LCLAT1: variants seen among roughly 807,000 people sequenced by gnomAD.
LCLAT1 encodes the protein 1-AGP acyltransferase 8.
In LCLAT1, 11 loss-of-function variants were observed where a neutral mutation model predicts 30.7. The ratio of observed to expected loss-of-function variants is 0.36; its 90% CI spans 0.23 to 0.59. The LOEUF is 0.59. LCLAT1 is among the 20% of genes least tolerant of loss of function. The pLI is 0.77. For synonymous variants in LCLAT1, 155 were observed against 151.3 expected, an observed-to-expected ratio of 1.02 and a Z score of -0.18; for missense variants, 402 against 458.6, an observed-to-expected ratio of 0.88 and a Z score of 1.13.
chr2:30,474,971 A>G (rs1170015199), intron 1 of LCLAT1, among the ~76,000 whole-genome samples: 1 of 151,704 alleles, frequency 6.6e-6, no homozygotes, highest in African/African-American at 2.4e-5. Flanking sequence ...TTAGTTATAC[A>G]CAGATCCAGG....
At chr2:30,562,035 A>T in intron 3 of LCLAT1, 111 bp from the exon 4 acceptor site, 1 of 644,676 alleles carries the variant, frequency 1.6e-6, no homozygotes, top group Non-Finnish European at 2.4e-6. Context: ...TGAAATGTTT[A>T]CAATAATAAA....
At chr2:30,584,365 G>C (rs945250620) in intron 5 of LCLAT1, among the ~76,000 whole-genome samples, 3 of 152,202 alleles carry the variant, frequency 2.0e-5, no homozygotes, top group Admixed American at 2.0e-4. Flanking sequence ...TGTTGCAGTT[G>C]TTCTTAACTG....
chr2:30,543,657 T>C (rs932029132), intron 3 of LCLAT1, among the ~76,000 whole-genome samples: 1 of 152,178 alleles, frequency 6.6e-6, no homozygotes, highest in African/African-American at 2.4e-5. Flanking sequence ...TTTCAAGAAA[T>C]TGTGTTACCT....
At chr2:30,584,902 A>G (rs1300771246) in intron 5 of LCLAT1, among the ~76,000 whole-genome samples, 1 of 151,112 alleles carries the variant, frequency 6.6e-6, no homozygotes, top group African/African-American at 2.4e-5. Context: ...TGCCAGTGGA[A>G]GAACCACTTG....
At chr2:30,520,110 G>C (rs562454530) in intron 1 of LCLAT1, among the ~76,000 whole-genome samples, 5 of 152,250 alleles carry the variant, frequency 3.3e-5, no homozygotes, top group Admixed American at 3.3e-4. Flanking sequence ...AGCTTCTAAT[G>C]GAGTTGTAAC....
chr2:30,578,052 A>C (rs1298950426), intron 5 of LCLAT1, among the ~76,000 whole-genome samples: 1 of 152,132 alleles, frequency 6.6e-6, no homozygotes, highest in Non-Finnish European at 1.5e-5. Flanking sequence ...TAGACATTAA[A>C]TGTGAGAAAT....
intron 3 of LCLAT1, among the ~76,000 whole-genome samples, chr2:30,537,244 G>A (rs910378526): frequency 3.9e-4 from 59 of 152,218 alleles, no homozygotes; most frequent in Middle Eastern, 3.4e-3. Context: ...AGCCGGGCGC[G>A]GTGGCGGGCG....
At chr2:30,478,876 T>C (rs1405479553) in intron 1 of LCLAT1, among the ~76,000 whole-genome samples, 1 of 152,214 alleles carries the variant, frequency 6.6e-6, no homozygotes, top group East Asian at 1.9e-4. Flanking sequence ...TCAGATGGAC[T>C]TGCTGACTTG....
intron 1 of LCLAT1, among the ~76,000 whole-genome samples, chr2:30,499,199 G>C (rs1198266150): frequency 6.6e-6 from 1 of 152,140 alleles, no homozygotes; most frequent in Non-Finnish European, 1.5e-5. Context: ...TGTTTTTGGA[G>C]ACGGAGTTTC....
chr2:30,513,288 ATATG>A (rs930690957), intron 1 of LCLAT1, among the ~76,000 whole-genome samples: 5 of 151,826 alleles, frequency 3.3e-5, no homozygotes, highest in African/African-American at 7.2e-5. Context: ...ACATTTAACT[ATATG>A]TATTTAAATA....
Position 30,640,161 on chromosome 2 carries a change from C to G in LCLAT1, c.673C>G (p.His225Asp). 6.2e-7 allele frequency: 1 copy of G among 1,613,944 alleles called. No individual in the cohort carries two copies. ...AVHDITVAYP[H>D]NIPQSEKHLL... ...CCATGATATCACTGTGGCGTATCCT[C>G]ACAACATTCCTCAATCAGAGAAGCA... The change falls in exon 6 of 6, where the codon CAC becomes GAC. Residue 225 changes from histidine to aspartate, a missense_variant. Coordinates refer to ENST00000379509, the MANE Select transcript of LCLAT1 (RefSeq NM_001002257.3).
At chr2:30,521,489 C>CTTTTTTTTTTTTTTTTTTTTTTTTTTTT (rs1262784785) in intron 1 of LCLAT1, among the ~76,000 whole-genome samples, 1 of 55,560 alleles carries the variant, frequency 1.8e-5, no homozygotes. Flanking sequence ...TAAACTACTT[C>CTTTTTTTTTTTTTTTTTTTTTTTTTTTT]TTCTTTTTTT....
At chr2:30,624,852 A>G (rs1668431012) in intron 5 of LCLAT1, among the ~76,000 whole-genome samples, 2 of 152,192 alleles carry the variant, frequency 1.3e-5, no homozygotes, top group African/African-American at 4.8e-5. Context: ...TCTCCAAGAT[A>G]GACTATATGA....
At chr2:30,569,552 C>G (rs917082394) in intron 5 of LCLAT1, among the ~76,000 whole-genome samples, 1 of 152,106 alleles carries the variant, frequency 6.6e-6, no homozygotes, top group Non-Finnish European at 1.5e-5. Flanking sequence ...GATATATTTT[C>G]ATAAAACTGT....
rs936559433 is a variant in LCLAT1, at chr2:30,484,778, A to AGT, written c.-5+37397_-5+37398dup. ...CAGTAACATTTGACAGTTTTAAAAAAGTGATTTCATTTTAAAATAAGTTGA... is the reference window on the plus strand; with the variant it reads ...CAGTAACATTTGACAGTTTTAAAAAAGTGTGATTTCATTTTAAAATAAGTTGA... On this transcript the variant is annotated intron_variant, in intron 1 of 5. Transcript: ENST00000379509. Among the ~76,000 whole-genome samples the AGT allele has an allele frequency of 2.6e-5, 3 of 116,344 alleles. No individual in the cohort carries two copies. In the Admixed American group the frequency reaches 3.0e-4, roughly 12 times the overall value. 76.3% of individuals were successfully genotyped at this position (116,344 alleles called of 152,430 possible).
rs1263769239 is a variant in LCLAT1 at position 30,627,751 on chromosome 2, TA to T, written c.629-12359del. ...CAGGTCTTTGACTAATATTTTCTTT[TA>T]AAAAAACATTCTACTCTTAGATGCT... On this transcript the variant is annotated intron_variant, in intron 5 of 5. Transcript: ENST00000379509. Among the ~76,000 whole-genome samples, 7 of 152,168 alleles carry T rather than the reference TA, an allele frequency of 4.6e-5. No homozygotes were observed. The South Asian group carries it at 1.0e-3, about 23-fold the overall frequency.
At chr2:30,515,926 ATTACG>A (rs1685158107) in intron 1 of LCLAT1, among the ~76,000 whole-genome samples, 1 of 152,160 alleles carries the variant, frequency 6.6e-6, no homozygotes, top group Non-Finnish European at 1.5e-5. Context: ...TGTGCTATAC[ATTACG>A]TTAGGTATTG....
intron 1 of LCLAT1, among the ~76,000 whole-genome samples, chr2:30,458,562 A>G (rs1263462277): frequency 6.6e-6 from 1 of 152,200 alleles, no homozygotes; most frequent in Non-Finnish European, 1.5e-5. Flanking sequence ...TGATGTCTCA[A>G]GGATGTTATT....
chr2:30,634,609 T>C (rs980731449), intron 5 of LCLAT1, among the ~76,000 whole-genome samples: 4 of 152,150 alleles, frequency 2.6e-5, no homozygotes, highest in Non-Finnish European at 5.9e-5. Context: ...AAAATAAAAA[T>C]AAATAATAAT....
Sources: allele counts gnomAD v4.1 joint callset (sites outside exome capture counted in the v4.1 genomes callset), GRCh38; gene constraint gnomAD v4.1.1; transcripts MANE v1.5; gene names NCBI Gene and HGNC (gene_info 2026-07-23, HGNC 2026-07-21).